SH3KBP1: variants seen among roughly 807,000 people sequenced by gnomAD.
SH3KBP1 encodes the protein SH3 domain-containing kinase-binding protein 1.
A neutral mutation model predicts 50.1 loss-of-function variants in SH3KBP1; 8 were observed. The ratio of observed to expected loss-of-function variants is 0.16; its 90% CI spans 0.09 to 0.29. SH3KBP1 has a LOEUF of 0.29. SH3KBP1 is among the 10% of genes least tolerant of loss of function. SH3KBP1 has a pLI of 1.00. For synonymous variants in SH3KBP1, 227 were observed against 218.6 expected, an observed-to-expected ratio of 1.04 and a Z score of -0.34; for missense variants, 377 against 535.2, an observed-to-expected ratio of 0.70 and a Z score of 2.92.
At position 19,845,668 on chromosome X, in the gene SH3KBP1, C is replaced by T. The variant is rs113327403; in HGVS notation, c.5-9386G>A. ...CTCTGTTGCCCAGGCTGGAGTGCAG[C>T]GGTGCCATCTCAGCTCACTGCAACC... On this transcript the variant is annotated intron_variant, in intron 1 of 17. Transcript: ENST00000397821. Among the ~76,000 whole-genome samples the T allele has an allele frequency of 3.0e-3, 313 of 106,035 alleles. 2 individuals are homozygous for T. The highest frequency in any genetic ancestry group is 0.01 in the African/African-American group (293 of 29,181). The allele number at this position is 106,035 out of a possible 115,157, so 92.1% of individuals were successfully genotyped here.
intron 1 of SH3KBP1, among the ~76,000 whole-genome samples, chrX:19,851,792 G>A (rs1569488623): frequency 1.8e-5 from 2 of 111,671 alleles, no homozygotes; most frequent in African/African-American, 3.3e-5. Flanking sequence ...CTGCCTCGAC[G>A]CCCTGAGTAG....
chrX:19,638,688 G>A (rs767776241), intron 7 of SH3KBP1, among the ~76,000 whole-genome samples: 2 of 111,908 alleles, frequency 1.8e-5, no homozygotes, highest in South Asian at 3.7e-4. Flanking sequence ...GGGACCTGGA[G>A]GGTGGACAAG....
intron 4 of SH3KBP1, among the ~76,000 whole-genome samples, chrX:19,704,292 A>T (rs1318656533): frequency 8.9e-6 from 1 of 112,732 alleles, no homozygotes; most frequent in Non-Finnish European, 1.9e-5. Context: ...CAAATCCAGT[A>T]ACAGCTCTGC....
chrX:19,599,757 A>G (rs1164625160), intron 9 of SH3KBP1, among the ~76,000 whole-genome samples: 1 of 111,928 alleles, frequency 8.9e-6, no homozygotes, highest in Non-Finnish European at 1.9e-5. Context: ...GTAATTCTAA[A>G]TAAAAATCAG....
intron 1 of SH3KBP1, among the ~76,000 whole-genome samples, chrX:19,874,068 A>AAAAATATATATAT (rs1491537486): frequency 3.5e-5 from 2 of 57,045 alleles, no homozygotes; most frequent in African/African-American, 3.2e-4. Flanking sequence ...AAAAAAAAAA[A>AAAAATATATATAT]ATATATATAT....
At chrX:19,689,001 C>T (rs1489134661) in intron 5 of SH3KBP1, among the ~76,000 whole-genome samples, 1 of 111,714 alleles carries the variant, frequency 9.0e-6, no homozygotes, top group Non-Finnish European at 1.9e-5. Context: ...AATTGTGAAT[C>T]ATCAGAAGAC....
At chrX:19,659,825 A>G (rs1186172976) in intron 6 of SH3KBP1, among the ~76,000 whole-genome samples, 1 of 112,415 alleles carries the variant, frequency 8.9e-6, no homozygotes, top group Admixed American at 9.4e-5. Flanking sequence ...AATCTCTAAA[A>G]CAGCATTCAC....
chrX:19,828,878 C>T (rs763849333), intron 2 of SH3KBP1, among the ~76,000 whole-genome samples: 2 of 111,892 alleles, frequency 1.8e-5, no homozygotes, highest in East Asian at 2.8e-4. Flanking sequence ...TGCATCAGGA[C>T]GCCTCACCAG....
At position 19,647,016 on chromosome X, in the gene SH3KBP1, T is replaced by C. The variant is rs895613287; in HGVS notation, c.727-1541A>G. ...TGATGAAAAACTGTTCTTAGAATTA[T>C]TTTGAAAAATCAGGTACCGATAGTA... On this transcript the variant is annotated intron_variant, in intron 6 of 17. Transcript: ENST00000397821. Among the ~76,000 whole-genome samples, 3 of 112,456 alleles carry C rather than the reference T, an allele frequency of 2.7e-5. No individual in the cohort carries two copies. In the Admixed American group the frequency reaches 2.8e-4, roughly 11 times the overall value.
chrX:19,772,276 G>A (rs765258992), intron 2 of SH3KBP1, among the ~76,000 whole-genome samples: 17 of 111,338 alleles, frequency 1.5e-4, no homozygotes, highest in Non-Finnish European at 3.2e-4. Flanking sequence ...CATCTTCTGG[G>A]AGCGCTGTTA....
chrX:19,695,031 C>G lies in SH3KBP1; in HGVS notation c.520+581G>C, dbSNP rs762888717. ...TGAGCTGGAAAGGGCAGCAGAGAAG[C>G]TGGAGGGAGACCTTCAGGCCCTGGA... On this transcript the variant is annotated intron_variant, in intron 5 of 17. Coordinates refer to ENST00000397821, the MANE Select transcript of SH3KBP1 (RefSeq NM_031892.3). 261 of 1,199,772 alleles carry G rather than the reference C, an allele frequency of 2.2e-4. 1 individual carries two copies. In the African/African-American group the frequency reaches 4.1e-3, roughly 19 times the overall value.
At chrX:19,759,163 T>C (rs2065303679) in intron 2 of SH3KBP1, among the ~76,000 whole-genome samples, 1 of 111,630 alleles carries the variant, frequency 9.0e-6, no homozygotes, top group Admixed American at 9.5e-5. Context: ...CATTAAGAGA[T>C]AGGGGCCATT....
At chrX:19,796,482 G>A (rs1457575170) in intron 2 of SH3KBP1, among the ~76,000 whole-genome samples, 1 of 111,869 alleles carries the variant, frequency 8.9e-6, no homozygotes, top group Non-Finnish European at 1.9e-5. Flanking sequence ...TTACCTGTAG[G>A]AAGGAAGTTT....
intron 2 of SH3KBP1, among the ~76,000 whole-genome samples, chrX:19,817,009 T>C (rs2067378140): frequency 8.9e-6 from 1 of 111,853 alleles, no homozygotes; most frequent in African/African-American, 3.3e-5. Flanking sequence ...AATACTCCAG[T>C]ATCATTTGTT....
intron 1 of SH3KBP1, among the ~76,000 whole-genome samples, chrX:19,870,565 C>T (rs764405256): frequency 6.3e-5 from 7 of 111,679 alleles, no homozygotes; most frequent in African/African-American, 6.5e-5. Flanking sequence ...AGGCTGGTCT[C>T]GAACTCCTGG....
intron 15 of SH3KBP1, among the ~76,000 whole-genome samples, chrX:19,544,148 G>A (rs188141238): frequency 1.4e-3 from 151 of 110,807 alleles, no homozygotes; most frequent in African/African-American, 4.9e-3. Context: ...AAAGCAGATG[G>A]GCCATCATTC....
chrX:19,669,853 G>T (rs192768518), intron 6 of SH3KBP1, among the ~76,000 whole-genome samples: 2 of 108,906 alleles, frequency 1.8e-5, no homozygotes, highest in East Asian at 5.7e-4. Flanking sequence ...CTCTTAAAAT[G>T]ATATGTTAAA....
intron 3 of SH3KBP1, among the ~76,000 whole-genome samples, chrX:19,721,859 G>T (rs1381137920): frequency 9.0e-6 from 1 of 110,663 alleles, no homozygotes; most frequent in Non-Finnish European, 1.9e-5. Context: ...AAATTTAACA[G>T]AGCATGGTGA....
At chrX:19,814,921 C>A (rs2067310496) in intron 2 of SH3KBP1, among the ~76,000 whole-genome samples, 1 of 111,915 alleles carries the variant, frequency 8.9e-6, no homozygotes, top group African/African-American at 3.3e-5. Flanking sequence ...CACAGACAGG[C>A]CAAGTGATAA....
Sources: allele counts gnomAD v4.1 joint callset (sites outside exome capture counted in the v4.1 genomes callset), GRCh38; gene constraint gnomAD v4.1.1; transcripts MANE v1.5; gene names NCBI Gene and HGNC (gene_info 2026-07-23, HGNC 2026-07-21).